SELENOT: variants seen among roughly 807,000 people sequenced by gnomAD.
The protein encoded by SELENOT is thioredoxin reductase-like selenoprotein T.
A neutral mutation model predicts 24.3 loss-of-function variants in SELENOT; 9 were observed. That is an observed-to-expected ratio of 0.37 (90% CI 0.22 to 0.65). The LOEUF is 0.65. Among genes scored for constraint, SELENOT ranks in the 30% least tolerant of loss-of-function variants. The pLI is 0.60. For synonymous variants in SELENOT, 81 were observed against 86.0 expected (o/e 0.94, Z 0.32); for missense variants, 166 against 247.6 (o/e 0.67, Z 2.21).
chr3:150,620,649 A>G (rs1164053467), intron 1 of SELENOT, among the ~76,000 whole-genome samples: 1 of 152,250 alleles, frequency 6.6e-6, no homozygotes, highest in African/African-American at 2.4e-5. Context: ...CATCTATAAA[A>G]TACAAGTTTT....
At chr3:150,608,395 A>G (rs1726016721) in intron 1 of SELENOT, among the ~76,000 whole-genome samples, 2 of 152,246 alleles carry the variant, frequency 1.3e-5, no homozygotes. Flanking sequence ...AAATACTGCC[A>G]TTTAAACGGA....
At chr3:150,625,071 T>C (rs1399438412) in intron 4 of SELENOT, among the ~76,000 whole-genome samples, 172 bp downstream of exon 4, 3 of 152,040 alleles carry the variant, frequency 2.0e-5, no homozygotes, top group African/African-American at 4.8e-5. Context: ...TTTTAACTTT[T>C]TTTTTTTTAA....
chr3:150,606,698 T>A (rs1725972866), intron 1 of SELENOT, among the ~76,000 whole-genome samples: 1 of 151,966 alleles, frequency 6.6e-6, no homozygotes, highest in Admixed American at 6.6e-5. Context: ...GCTCAAGAGA[T>A]TCTCATGCCT....
chr3:150,623,665 A>G (rs1289435738), intron 3 of SELENOT, among the ~76,000 whole-genome samples: 2 of 152,120 alleles, frequency 1.3e-5, no homozygotes, highest in Admixed American at 1.3e-4. Flanking sequence ...CCTGAAAGAA[A>G]CAATGTAAAT....
At chr3:150,606,878 G>A (rs1389267760) in intron 1 of SELENOT, among the ~76,000 whole-genome samples, 1 of 152,196 alleles carries the variant, frequency 6.6e-6, no homozygotes, top group Non-Finnish European at 1.5e-5. Context: ...ACAGGTTTGA[G>A]CCACTGCCCC....
At chr3:150,611,155 A>G in intron 1 of SELENOT, 4 of 653,790 alleles carry the variant, frequency 6.1e-6, no homozygotes, top group Non-Finnish European at 1.1e-5. Flanking sequence ...CAAAGAAAAT[A>G]AAATCAGAAA....
chr3:150,611,004 C>CGTGTGTGTGTGTGTGTGTGTGT (rs113532087), intron 1 of SELENOT, among the ~76,000 whole-genome samples: 20 of 145,392 alleles, frequency 1.4e-4, no homozygotes, highest in Admixed American at 1.4e-3. Context: ...CATCATGAGT[C>CGTGTGTGTGTGTGTGTGTGTGT]GTGTGTGTGT....
chr3:150,610,018 T>C (rs549566230), intron 1 of SELENOT, among the ~76,000 whole-genome samples: 1 of 152,328 alleles, frequency 6.6e-6, no homozygotes, highest in African/African-American at 2.4e-5. Flanking sequence ...ATTTCATTAG[T>C]TTAATGTTTT....
chr3:150,613,131 T>G (rs1249275487), intron 1 of SELENOT, among the ~76,000 whole-genome samples: 1 of 152,216 alleles, frequency 6.6e-6, no homozygotes, highest in Non-Finnish European at 1.5e-5. Context: ...CAAGGTAATT[T>G]ATAAAGAAAA....
intron 1 of SELENOT, among the ~76,000 whole-genome samples, chr3:150,617,471 A>G (rs1413300987): frequency 6.6e-6 from 1 of 152,190 alleles, no homozygotes; most frequent in Non-Finnish European, 1.5e-5. Context: ...ATGGTGGCAC[A>G]TGCCTATAGT....
chr3:150,614,122 GTTATAATAAACA>G (rs1726159660), intron 1 of SELENOT, among the ~76,000 whole-genome samples: 1 of 152,124 alleles, frequency 6.6e-6, no homozygotes, highest in Non-Finnish European at 1.5e-5. Context: ...TATAGACGCT[GTTATAATAAACA>G]TTATAAAATG....
intron 1 of SELENOT, among the ~76,000 whole-genome samples, chr3:150,609,980 A>G (rs1399573225): frequency 6.6e-6 from 1 of 152,346 alleles, no homozygotes; most frequent in Admixed American, 6.5e-5. Context: ...GATAGGGGCT[A>G]TGTACCAAAA....
intron 3 of SELENOT, among the ~76,000 whole-genome samples, chr3:150,623,423 G>A (rs750784584): frequency 6.6e-6 from 1 of 151,812 alleles, no homozygotes; most frequent in African/African-American, 2.4e-5. Flanking sequence ...AGTATAACCT[G>A]GGCACAAAAT....
chr3:150,620,224 G>C (rs1430634027), intron 1 of SELENOT, among the ~76,000 whole-genome samples: 1 of 152,120 alleles, frequency 6.6e-6, no homozygotes, highest in East Asian at 1.9e-4. Flanking sequence ...TTCCCTTAAG[G>C]GACTTCTTGG....
intron 3 of SELENOT, among the ~76,000 whole-genome samples, chr3:150,624,252 C>T (rs1451188521): frequency 6.6e-6 from 1 of 152,136 alleles, no homozygotes; most frequent in Non-Finnish European, 1.5e-5. Flanking sequence ...TCTGAAACAG[C>T]TTGCTGTGAA....
intron 1 of SELENOT, among the ~76,000 whole-genome samples, chr3:150,619,939 T>C (rs1559897790): frequency 6.6e-6 from 1 of 152,218 alleles, no homozygotes; most frequent in Non-Finnish European, 1.5e-5. Flanking sequence ...AGTAAACTTG[T>C]CTAAAAGTAT....
At chr3:150,604,554 C>T (rs1355775125) in intron 1 of SELENOT, among the ~76,000 whole-genome samples, 1 of 152,152 alleles carries the variant, frequency 6.6e-6, no homozygotes, top group African/African-American at 2.4e-5. Context: ...TTAAGAACTT[C>T]ATGTATTAGT....
At chr3:150,623,907 T>A (rs1393696845) in intron 3 of SELENOT, among the ~76,000 whole-genome samples, 1 of 152,102 alleles carries the variant, frequency 6.6e-6, no homozygotes, top group Non-Finnish European at 1.5e-5. Context: ...TATGAAGTCT[T>A]CCTTTTTGGA....
chr3:150,627,079 A>C lies in SELENOT; in HGVS notation c.533A>C (p.Asp178Ala), dbSNP rs2108015892. The C allele has an allele frequency of 6.2e-7, 1 of 1,613,834 alleles. No homozygotes were observed. The highest frequency in any genetic ancestry group is 2.2e-5 in the East Asian group (1 of 44,874). Residue 178 changes from aspartate (D) to alanine (A), a missense_variant, in exon 5 of 6, where the codon GAC becomes GCC. By Grantham distance (126) the Asp-to-Ala change is moderately radical. This residue lies in a region of SELENOT where 44 missense variants were observed against 72.2 expected (regional missense o/e 0.61). Transcript: ENST00000471696. ...ATGCAACAACTTGTTCAAATTCTTG[A>C]CAATGAAATGAAGCTCAATGTGCAT... The part of the protein sequence containing the change: ...PSMQQLVQIL[D>A]NEMKLNVHMD...
Sources: allele counts gnomAD v4.1 joint callset (sites outside exome capture counted in the v4.1 genomes callset), GRCh38; gene constraint gnomAD v4.1.1; regional missense constraint gnomAD v4.1.1; transcripts MANE v1.5; gene names NCBI Gene and HGNC (gene_info 2026-07-23, HGNC 2026-07-21).